Variants in CREB1 observed in about 807,000 individuals in gnomAD.
CREB1 encodes the protein cyclic AMP-responsive element-binding protein 1.
Under a neutral mutation model 42.0 loss-of-function variants are expected in CREB1, and 2 were observed. The ratio of observed to expected loss-of-function variants is 0.05; its 90% CI spans 0.02 to 0.15. The LOEUF is 0.15. CREB1 is among the 10% of genes least tolerant of loss of function. CREB1 has a pLI of 1.00. For missense variants in CREB1, 199 were observed against 388.9 expected, an observed-to-expected ratio of 0.51 and a Z score of 4.11; for synonymous variants, 123 against 139.9, an observed-to-expected ratio of 0.88 and a Z score of 0.85.
Position 207,597,731 on chromosome 2 carries a change from C to T in CREB1, c.*673C>T, listed in dbSNP as rs575752635. ...CTCTTCCATAGGGCAGTTGTTGCTT[C>T]TTAATTCAGTTCTGTATGTGTTCAA... On this transcript the variant is annotated 3_prime_UTR_variant, in exon 8 of 8. Transcript: ENST00000353267. 2 of 204,978 alleles carry T rather than the reference C, an allele frequency of 9.8e-6. No individual in the cohort carries two copies. The highest frequency in any genetic ancestry group is 4.6e-5 in the African/African-American group (2 of 43,872). 12.7% of individuals were successfully genotyped at this position (204,978 alleles called of 1,614,324 possible). A position where few individuals can be genotyped will look rare whatever the true frequency, so the allele number is the denominator to read the frequency against.
intron 1 of CREB1, among the ~76,000 whole-genome samples, chr2:207,544,565 C>CCTTT (rs1222013055): frequency 6.6e-6 from 1 of 152,112 alleles, no homozygotes; most frequent in Non-Finnish European, 1.5e-5. Context: ...TTTATTTCCA[C>CCTTT]CTTTTAAGTT....
At chr2:207,539,280 C>T (rs909563724) in intron 1 of CREB1, among the ~76,000 whole-genome samples, 4 of 151,054 alleles carry the variant, frequency 2.6e-5, no homozygotes, top group African/African-American at 9.8e-5. Flanking sequence ...TCTCGAACTC[C>T]TGACCTTATG....
chr2:207,604,058 T>G lies in CREB1; in HGVS notation c.*7000T>G, dbSNP rs1251972507. ...GAATTTATTGCACAAAATGAGACAT[T>G]TTGAGAGTGATATTAATTACATGAG... On this transcript the variant is annotated 3_prime_UTR_variant, in exon 8 of 8. Coordinates refer to ENST00000353267, the MANE Select transcript of CREB1 (RefSeq NM_004379.5). Among the ~76,000 whole-genome samples the G allele has an allele frequency of 6.6e-6, 1 of 152,158 alleles. No individual in the cohort carries two copies. Among genetic ancestry groups the G allele is most frequent in the African/African-American group, 2.4e-5 (1 of 41,438 alleles).
rs116907246 is a variant in CREB1, at chr2:207,565,165, C to T, written c.262-2298C>T. On this transcript the variant is annotated intron_variant, in intron 3 of 7. Transcript: ENST00000353267. ...CTGTTCTTAACATCCTCCCCCAGAA[C>T]GGTACATTTATGTTATAATTTGATG... 2.2e-3 allele frequency among the ~76,000 whole-genome samples: 329 copies of T among 151,990 alleles called. 13 individuals are homozygous for T. The East Asian group carries it at 0.054, about 25-fold the overall frequency.
intron 5 of CREB1, among the ~76,000 whole-genome samples, chr2:207,572,416 A>T (rs1044828518): frequency 4.6e-5 from 7 of 152,274 alleles, no homozygotes; most frequent in Non-Finnish European, 1.0e-4. Context: ...ATATTTCTTA[A>T]CTTATAAAAT....
intron 5 of CREB1, among the ~76,000 whole-genome samples, chr2:207,574,852 C>T (rs2082512793): frequency 6.6e-6 from 1 of 152,180 alleles, no homozygotes; most frequent in Admixed American, 6.5e-5. Flanking sequence ...ATGGCTGCCA[C>T]TGTGCTAAGT....
At chr2:207,542,222 G>A (rs980214773) in intron 1 of CREB1, among the ~76,000 whole-genome samples, 5 of 152,114 alleles carry the variant, frequency 3.3e-5, no homozygotes, top group East Asian at 1.9e-4. Context: ...AGGAACTGCC[G>A]GGCTGTTTTC....
intron 3 of CREB1, among the ~76,000 whole-genome samples, chr2:207,565,411 G>A (rs775383398): frequency 6.6e-6 from 1 of 151,482 alleles, no homozygotes; most frequent in Non-Finnish European, 1.5e-5. Context: ...CATTTACAAA[G>A]TTGCAAGCAC....
intron 7 of CREB1, among the ~76,000 whole-genome samples, chr2:207,592,338 C>T (rs1302292552): frequency 1.3e-5 from 2 of 152,146 alleles, no homozygotes; most frequent in Admixed American, 6.5e-5. Flanking sequence ...ACCCGGGAGG[C>T]AGAGGTTGCA....
rs1575087207 is a variant in CREB1, at chr2:207,605,185, T to C, written c.*8127T>C. Among the ~76,000 whole-genome samples the C allele has an allele frequency of 6.6e-6, 1 of 152,312 alleles. No homozygotes were observed. Among genetic ancestry groups the C allele is most frequent in the East Asian group, 1.9e-4 (1 of 5,190 alleles). ...AGCTGTACCGTTTTACCTTCCACCA[T>C]TGATGTATGAGGGTTCCAATTTCTC... On this transcript the variant is annotated 3_prime_UTR_variant, in exon 8 of 8. Coordinates refer to ENST00000353267, the MANE Select transcript of CREB1 (RefSeq NM_004379.5).
At chr2:207,572,691 C>A (rs1045889709) in intron 5 of CREB1, among the ~76,000 whole-genome samples, 12 of 152,064 alleles carry the variant, frequency 7.9e-5, no homozygotes, top group Non-Finnish European at 1.5e-4. Flanking sequence ...TGGCGGGCAC[C>A]TGTAGTCCCA....
chr2:207,599,223 A>T lies in CREB1; in HGVS notation c.*2165A>T, dbSNP rs746546077. ...TCCTGCTGAGCTAATGGGGAAAGTTATAGCATAAAAATTGTGTAACCGCAT... is the reference window on the plus strand; with the variant it reads ...TCCTGCTGAGCTAATGGGGAAAGTTTTAGCATAAAAATTGTGTAACCGCAT... On this transcript the variant is annotated 3_prime_UTR_variant, in exon 8 of 8. Transcript: ENST00000353267. 3.0e-5 allele frequency: 6 copies of T among 199,984 alleles called. No homozygotes were observed. The highest frequency in any genetic ancestry group is 6.2e-5 in the Non-Finnish European group (6 of 97,034). 12.4% of individuals were successfully genotyped at this position (199,984 alleles called of 1,614,324 possible).
intron 3 of CREB1, among the ~76,000 whole-genome samples, chr2:207,564,032 T>C (rs963572589): frequency 1.3e-5 from 2 of 151,978 alleles, no homozygotes; most frequent in African/African-American, 2.4e-5. Flanking sequence ...CTTTAAGAAA[T>C]ATATAAATTT....
chr2:207,582,055 C>T, intron 7 of CREB1: 2 of 700,702 alleles, frequency 2.9e-6, no homozygotes, highest in East Asian at 2.7e-5. Flanking sequence ...GCGATATTAA[C>T]TTTGATCACT....
intron 1 of CREB1, among the ~76,000 whole-genome samples, chr2:207,536,091 G>A (rs948869545): frequency 1.3e-5 from 2 of 152,138 alleles, no homozygotes; most frequent in African/African-American, 4.8e-5. Context: ...GGGATTACAA[G>A]CGTGAGCCAC....
At chr2:207,536,171 A>G (rs996035905) in intron 1 of CREB1, among the ~76,000 whole-genome samples, 2 of 152,218 alleles carry the variant, frequency 1.3e-5, no homozygotes, top group Admixed American at 6.5e-5. Flanking sequence ...TGTACACACT[A>G]TGACTTTTTT....
At chr2:207,577,205 A>C in intron 6 of CREB1, 1 of 1,120,430 alleles carries the variant, frequency 8.9e-7, no homozygotes, top group African/African-American at 1.6e-5. Context: ...GCTGTGCCCC[A>C]CTTACCTTTT....
intron 2 of CREB1, among the ~76,000 whole-genome samples, chr2:207,559,769 G>T (rs974533976): frequency 6.6e-6 from 1 of 152,124 alleles, no homozygotes; most frequent in African/African-American, 2.4e-5. Flanking sequence ...TTTCTTCAAG[G>T]ATAGTATATC....
intron 1 of CREB1, among the ~76,000 whole-genome samples, chr2:207,551,085 C>A (rs755330048): frequency 6.6e-6 from 1 of 152,172 alleles, no homozygotes; most frequent in Non-Finnish European, 1.5e-5. Context: ...TTTGCTGATA[C>A]CATTTTTCTT....
Sources: allele counts gnomAD v4.1 joint callset (sites outside exome capture counted in the v4.1 genomes callset), GRCh38; gene constraint gnomAD v4.1.1; transcripts MANE v1.5; gene names NCBI Gene and HGNC (gene_info 2026-07-23, HGNC 2026-07-21).